ANKRD30B: variants seen among roughly 807,000 people sequenced by gnomAD.
The protein encoded by ANKRD30B is ankyrin repeat domain-containing protein 30B.
A neutral mutation model predicts 202.2 loss-of-function variants in ANKRD30B; 144 were observed. That is an observed-to-expected ratio of 0.71 (90% CI 0.62 to 0.82). The LOEUF is 0.82. ANKRD30B is among the 40% of genes least tolerant of loss of function. The pLI is 0.00. For synonymous variants in ANKRD30B, 508 were observed against 561.3 expected, an observed-to-expected ratio of 0.91 and a Z score of 1.34; for missense variants, 1,487 against 1,669.1, an observed-to-expected ratio of 0.89 and a Z score of 1.90.
At chr18:14,897,608 T>A in the ANKRD30B span, among the ~76,000 whole-genome samples, 2 of 152,346 alleles carry the variant, frequency 1.3e-5, no homozygotes, top group East Asian at 3.9e-4. Flanking sequence ...CATAATATTT[T>A]TTTGGTTAAA....
chr18:14,754,150 T>C (rs1913948442), intron 3 of ANKRD30B, among the ~76,000 whole-genome samples: 2 of 152,166 alleles, frequency 1.3e-5, no homozygotes, highest in South Asian at 4.1e-4. Context: ...CAATCTCTTT[T>C]GATTTAGAGC....
At position 14,837,274 on chromosome 18, in the gene ANKRD30B, C is replaced by T. The variant is rs866475232; in HGVS notation, c.2911C>T (p.Pro971Ser). The T allele has an allele frequency of 5.8e-6, 9 of 1,546,816 alleles. No homozygotes were observed. The Middle Eastern group carries it at 5.0e-4, about 86-fold the overall frequency. The stretch of plus-strand genomic sequence containing the variant: ...TGATATTGGCATTATTGAACGAGCT[C>T]CACAAGATCAAACAAGTAATGACAA... The part of the protein sequence containing the change: ...ERDIGIIERA[P>S]QDQTNKMPTS... Residue 971 changes from proline (P) to serine (S), a missense_variant, in exon 35 of 44, where the codon CCA becomes TCA. Pro to Ser is a moderately conservative substitution (Grantham distance 74). Coordinates refer to ENST00000690538, the MANE Select transcript of ANKRD30B (RefSeq NM_001367607.2).
At chr18:14,831,242 A>G (rs1201763480) in intron 33 of ANKRD30B, 141 bp from the exon 34 acceptor site, 1 of 471,452 alleles carries the variant, frequency 2.1e-6, no homozygotes, top group Non-Finnish European at 3.9e-6. Context: ...AAGAAACATG[A>G]TTTAATATAT....
the ANKRD30B span, among the ~76,000 whole-genome samples, chr18:14,868,679 T>C: frequency 6.6e-6 from 1 of 152,268 alleles, no homozygotes; most frequent in Admixed American, 6.5e-5. Flanking sequence ...CGGTATCACT[T>C]GTATCATCAA....
At chr18:14,809,961 A>G (rs1300244513) in intron 26 of ANKRD30B, 25 bp from the exon 27 acceptor site, 2 of 1,406,710 alleles carry the variant, frequency 1.4e-6, no homozygotes, top group African/African-American at 1.4e-5. Flanking sequence ...CATATAATCA[A>G]TTATATATGT....
chr18:14,846,037 T>C (rs1018744735), intron 39 of ANKRD30B, among the ~76,000 whole-genome samples: 2 of 150,242 alleles, frequency 1.3e-5, no homozygotes, highest in African/African-American at 4.9e-5. Flanking sequence ...ATATTTATCC[T>C]TTCCTCTGCT....
the ANKRD30B span, among the ~76,000 whole-genome samples, chr18:14,923,304 G>T: frequency 0.023 from 3,440 of 152,276 alleles, 150 homozygotes; most frequent in African/African-American, 0.079. Flanking sequence ...CCTAGGCCTG[G>T]CAGCATTCAT....
chr18:14,855,030 T>A (rs1405310915), downstream of ANKRD30B, among the ~76,000 whole-genome samples: 1 of 152,112 alleles, frequency 6.6e-6, no homozygotes, highest in Non-Finnish European at 1.5e-5. Context: ...GGTCTCTGGT[T>A]TTCCTAGGCA....
intron 6 of ANKRD30B, among the ~76,000 whole-genome samples, chr18:14,762,671 T>G (rs1385057002): frequency 6.6e-6 from 1 of 152,160 alleles, no homozygotes; most frequent in Non-Finnish European, 1.5e-5. Context: ...TTATAAATAT[T>G]CAAATAGCTT....
In ANKRD30B at chr18:14,778,022, T is replaced by C; in HGVS notation, c.1367T>C (p.Leu456Ser). 6.5e-7 allele frequency: 1 copy of C among 1,549,056 alleles called. No homozygotes were observed. The highest frequency in any genetic ancestry group is 1.2e-5 in the South Asian group (1 of 83,972). Residue 456 changes from leucine to serine, a missense_variant, in exon 10 of 44, where the codon TTA (leucine) becomes TCA (serine). Leu to Ser is a moderately radical substitution (Grantham distance 145). This residue lies in a region of ANKRD30B where 889 missense variants were observed against 841.4 expected (regional missense o/e 1.06). Transcript: ENST00000690538. ...SKSAAQNYTC[L>S]PDATYQKDIK... Reference sequence around the variant, plus strand: ...AGTGCTGCACAGAATTATACGTGTTTACCTGATGCTACATATCAAAAAGAT... The same window carrying C: ...AGTGCTGCACAGAATTATACGTGTTCACCTGATGCTACATATCAAAAAGAT...
rs760542339 is a variant in ANKRD30B at position 14,851,515 on chromosome 18, C to G, written c.3571C>G (p.His1191Asp). 6.6e-6 allele frequency: 10 copies of G among 1,526,404 alleles called. No individual in the cohort carries two copies. Among genetic ancestry groups the G allele is most frequent in the Non-Finnish European group, 8.8e-6 (10 of 1,140,452 alleles). The allele number at this position is 1,526,404 out of a possible 1,614,324, so 94.6% of individuals were successfully genotyped here. ...SVTSNLNQVS[H>D]THESENDLFH... ...TTTATTTTGTTTTATTTAGGTTTCT[C>G]ACACTCATGAAAGTGAAAATGATCT... The change falls in exon 42 of 44, where the codon CAC becomes GAC. Residue 1191 changes from histidine to aspartate, a missense_variant. His to Asp is a moderately conservative substitution (Grantham distance 81). Transcript: ENST00000690538.
At chr18:14,865,146 C>T in the ANKRD30B span, among the ~76,000 whole-genome samples, 2 of 151,660 alleles carry the variant, frequency 1.3e-5, no homozygotes, top group African/African-American at 4.8e-5. Flanking sequence ...CACTTTTTAC[C>T]CACTGTCTTT....
At chr18:14,793,793 T>G (rs1598628298) in intron 16 of ANKRD30B, among the ~76,000 whole-genome samples, 2 of 151,222 alleles carry the variant, frequency 1.3e-5, no homozygotes, top group African/African-American at 4.9e-5. Context: ...ACTCAGGAGG[T>G]TGAGGCAGGA....
downstream of ANKRD30B, among the ~76,000 whole-genome samples, chr18:14,855,732 C>A (rs1275957170): frequency 6.8e-6 from 1 of 146,932 alleles, no homozygotes; most frequent in Non-Finnish European, 1.5e-5. Context: ...GTGCTCCTCA[C>A]CTACCAAGGG....
chr18:14,753,291 A>C (rs1005242905), intron 3 of ANKRD30B, among the ~76,000 whole-genome samples: 1 of 152,070 alleles, frequency 6.6e-6, no homozygotes, highest in African/African-American at 2.4e-5. Flanking sequence ...CTTTCCAATT[A>C]GTGTAAAACT....
At chr18:14,830,743 T>C (rs1448724410) in intron 33 of ANKRD30B, among the ~76,000 whole-genome samples, 1 of 152,204 alleles carries the variant, frequency 6.6e-6, no homozygotes, top group Non-Finnish European at 1.5e-5. Flanking sequence ...CAGTTCATCA[T>C]AGAGGACAGC....
At chr18:14,876,338 A>G in the ANKRD30B span, among the ~76,000 whole-genome samples, 1 of 152,194 alleles carries the variant, frequency 6.6e-6, no homozygotes, top group Non-Finnish European at 1.5e-5. Context: ...TGAGTAAGTA[A>G]GTGCTAAGCT....
chr18:14,909,671 T>C, the ANKRD30B span, among the ~76,000 whole-genome samples: 1 of 152,208 alleles, frequency 6.6e-6, no homozygotes, highest in Non-Finnish European at 1.5e-5. Flanking sequence ...CCTCCCAAAG[T>C]GCTGAGATTA....
intron 30 of ANKRD30B, among the ~76,000 whole-genome samples, chr18:14,821,910 A>G (rs936529625): frequency 6.6e-6 from 1 of 152,240 alleles, no homozygotes; most frequent in Non-Finnish European, 1.5e-5. Context: ...TTCATTCTAT[A>G]AGTAGATATT....
Sources: gnomAD v4.1 joint callset for allele counts (sites outside exome capture counted in the v4.1 genomes callset) on GRCh38, gnomAD v4.1.1 for gene constraint, gnomAD v4.1.1 regional missense constraint, MANE v1.5 for transcripts, NCBI Gene and HGNC (gene_info 2026-07-23, HGNC 2026-07-21) for gene names.